Variants in SLC16A10 observed in about 807,000 individuals in gnomAD.
The protein encoded by SLC16A10 is solute carrier family 16 member 10, also known as monocarboxylate transporter 10.
In SLC16A10, 27 loss-of-function variants were observed where a neutral mutation model predicts 40.0. The observed-to-expected ratio is 0.67, with a 90% confidence interval of 0.50 to 0.93. The LOEUF (loss-of-function observed/expected upper bound fraction) is 0.93, where lower values mean the gene tolerates loss of function less well. Ranked by LOEUF, SLC16A10 falls within the 40% of genes least tolerant of loss-of-function variation. The probability of loss-of-function intolerance (pLI) is 0.00; values close to 1 mark genes in which losing one functional copy is unlikely to be tolerated. For missense variants in SLC16A10, 529 were observed against 658.2 expected, an observed-to-expected ratio of 0.80 and a Z score of 2.15; for synonymous variants, 213 against 249.8, an observed-to-expected ratio of 0.85 and a Z score of 1.39.
At chr6:111,096,996 A>T (rs982508077) in intron 1 of SLC16A10, among the ~76,000 whole-genome samples, 2 of 151,758 alleles carry the variant, frequency 1.3e-5, no homozygotes, top group African/African-American at 2.4e-5. Flanking sequence ...ATTTTTAAAA[A>T]TTTTTTTGTG....
chr6:111,184,068 C>CATGAAATGCTCTGGTAACTTTTCTCATT (rs1772851467), intron 3 of SLC16A10, among the ~76,000 whole-genome samples: 1 of 151,986 alleles, frequency 6.6e-6, no homozygotes, highest in Admixed American at 6.6e-5. Context: ...CTTTTCTCAT[C>CATGAAATGCTCTGGTAACTTTTCTCATT]GGCATGAAAT....
chr6:111,152,212 T>G (rs1054811805), intron 1 of SLC16A10, among the ~76,000 whole-genome samples: 12 of 152,268 alleles, frequency 7.9e-5, no homozygotes, highest in African/African-American at 2.2e-4. Context: ...TTTATTGGTT[T>G]CAGTTTCCTC....
At chr6:111,091,557 G>A (rs956085834) in intron 1 of SLC16A10, among the ~76,000 whole-genome samples, 2 of 152,160 alleles carry the variant, frequency 1.3e-5, no homozygotes, top group African/African-American at 4.8e-5. Context: ...AGTGTAGAGA[G>A]ACTTCCATAG....
At position 111,115,538 on chromosome 6, in the gene SLC16A10, A is replaced by G. The variant is rs534511143; in HGVS notation, c.343+27443A>G. Among the ~76,000 whole-genome samples the G allele has an allele frequency of 5.3e-5, 8 of 152,358 alleles. No homozygotes were observed. The South Asian group carries it at 1.7e-3, about 32-fold the overall frequency. ...AAAAGTTTTTAATGGTAAAGATGTC[A>G]TGGAATGAATAGGATTGGCTGGCAT... On this transcript the variant is annotated intron_variant, in intron 1 of 5. Transcript: ENST00000368851.
intron 3 of SLC16A10, among the ~76,000 whole-genome samples, chr6:111,188,002 T>G (rs568332857): frequency 6.6e-6 from 1 of 152,310 alleles, no homozygotes; most frequent in Non-Finnish European, 1.5e-5. Context: ...GTTGTGTTTA[T>G]CTCTGTTCAC....
intron 1 of SLC16A10, among the ~76,000 whole-genome samples, chr6:111,169,436 G>A: frequency 6.6e-6 from 1 of 152,220 alleles, no homozygotes; most frequent in East Asian, 1.9e-4. Context: ...TCAAACATCA[G>A]CAGACAGGTG....
chr6:111,122,107 G>A (rs1771594509), intron 1 of SLC16A10, among the ~76,000 whole-genome samples: 1 of 152,188 alleles, frequency 6.6e-6, no homozygotes, highest in Admixed American at 6.5e-5. Context: ...GCTGGGTCCT[G>A]GGTACAAGCT....
chr6:111,203,751 T>TAAATAAATAAAAAAAAAAAA, intron 3 of SLC16A10, among the ~76,000 whole-genome samples: 1 of 147,778 alleles, frequency 6.8e-6, no homozygotes, highest in East Asian at 2.0e-4. Context: ...AATAAATAAA[T>TAAATAAATAAAAAAAAAAAA]AAAATAATGC....
rs4038340 is a variant in SLC16A10 at position 111,229,990 on chromosome 6, C to CTTTTTTTTTTTTTTTTTTTTTTTTTTTTT, written c.*7773_*7774insTTTTTTTTTTTTTTTTTTTTTTTTTTTTT. 8 of 85,382 alleles carry CTTTTTTTTTTTTTTTTTTTTTTTTTTTTT rather than the reference C, an allele frequency of 9.4e-5. 1 individual carries two copies. The highest frequency in any genetic ancestry group is 2.5e-4 in the African/African-American group (5 of 19,980). 5.3% of individuals were successfully genotyped at this position (85,382 alleles called of 1,614,324 possible). A position where few individuals can be genotyped will look rare whatever the true frequency, so the allele number is the denominator to read the frequency against. On this transcript the variant is annotated 3_prime_UTR_variant, in exon 6 of 6. Coordinates refer to ENST00000368851, the MANE Select transcript of SLC16A10 (RefSeq NM_018593.5). ...CAGGTTTCTTTTTCTTTCTTTGTTT[C>CTTTTTTTTTTTTTTTTTTTTTTTTTTTTT]TTTTTTTTTTTTTTTTTTGAGATGG...
intron 4 of SLC16A10, among the ~76,000 whole-genome samples, 156 bp downstream of exon 4, chr6:111,206,891 C>T (rs771755146): frequency 7.9e-5 from 12 of 152,002 alleles, no homozygotes; most frequent in African/African-American, 1.9e-4. Context: ...TGCAATGGCA[C>T]GATCTCAGCT....
intron 1 of SLC16A10, among the ~76,000 whole-genome samples, chr6:111,166,966 A>G (rs888484184): frequency 6.6e-6 from 1 of 152,230 alleles, no homozygotes; most frequent in Admixed American, 6.5e-5. Flanking sequence ...ATACAAGCAC[A>G]TCTTGCACAT....
At chr6:111,178,327 A>G (rs900828893) in intron 3 of SLC16A10, 3 of 520,276 alleles carry the variant, frequency 5.8e-6, no homozygotes, top group Non-Finnish European at 1.2e-5. Context: ...AAATGAGGAA[A>G]GAGAACTATG....
At chr6:111,110,190 A>G (rs1562400050) in intron 1 of SLC16A10, among the ~76,000 whole-genome samples, 2 of 152,180 alleles carry the variant, frequency 1.3e-5, no homozygotes, top group Non-Finnish European at 2.9e-5. Context: ...GCACGCTTTC[A>G]TCGGCCTGGA....
chr6:111,094,674 G>C (rs1181665649), intron 1 of SLC16A10, among the ~76,000 whole-genome samples: 3 of 152,010 alleles, frequency 2.0e-5, no homozygotes, highest in Non-Finnish European at 2.9e-5. Context: ...GCCTCACTGT[G>C]TTCCCCAGGC....
intron 3 of SLC16A10, among the ~76,000 whole-genome samples, chr6:111,186,436 G>T (rs951373873): frequency 6.6e-6 from 1 of 152,292 alleles, no homozygotes; most frequent in South Asian, 2.1e-4. Context: ...TTTGATATGG[G>T]ATGAATAGAA....
intron 1 of SLC16A10, among the ~76,000 whole-genome samples, chr6:111,158,052 C>A (rs1772303714): frequency 6.6e-6 from 1 of 151,942 alleles, no homozygotes; most frequent in South Asian, 2.1e-4. Flanking sequence ...GAGAGCTATT[C>A]TATCGTATTT....
chr6:111,200,894 A>T (rs530719424), intron 3 of SLC16A10, among the ~76,000 whole-genome samples: 2 of 152,332 alleles, frequency 1.3e-5, no homozygotes, highest in African/African-American at 4.8e-5. Flanking sequence ...AATGAGAAGC[A>T]ACAAGCTGAA....
intron 1 of SLC16A10, among the ~76,000 whole-genome samples, chr6:111,093,644 G>A (rs1046366549): frequency 1.3e-5 from 2 of 152,308 alleles, no homozygotes; most frequent in Admixed American, 1.3e-4. Context: ...AGGAAAAGCG[G>A]CCTGCATAAC....
chr6:111,197,255 G>A (rs566391938), intron 3 of SLC16A10, among the ~76,000 whole-genome samples: 11 of 152,292 alleles, frequency 7.2e-5, no homozygotes, highest in African/African-American at 2.6e-4. Flanking sequence ...AACATCATTA[G>A]CCTAAATCTT....
Sources: gnomAD v4.1 joint callset for allele counts (sites outside exome capture counted in the v4.1 genomes callset) on GRCh38, gnomAD v4.1.1 for gene constraint, MANE v1.5 for transcripts, NCBI Gene and HGNC (gene_info 2026-07-23, HGNC 2026-07-21) for gene names.